Variants in ARHGAP29 observed in about 807,000 individuals in gnomAD.
ARHGAP29 encodes rho GTPase-activating protein 29.
ARHGAP29 carries 43 observed loss-of-function variants against 122.6 expected under a neutral mutation model. The observed-to-expected ratio is 0.35, with a 90% CI of 0.27 to 0.45. The LOEUF (loss-of-function observed/expected upper bound fraction) is 0.45. ARHGAP29 is among the 20% of genes least tolerant of loss of function. The pLI is 1.00. For missense variants in ARHGAP29, 1,303 were observed against 1,477.2 expected (o/e 0.88, Z 1.93); for synonymous variants, 506 against 497.1 (o/e 1.02, Z -0.24).
intron 3 of ARHGAP29, among the ~76,000 whole-genome samples, chr1:94,216,763 A>G (rs1214734312): frequency 6.6e-6 from 1 of 152,220 alleles, no homozygotes; most frequent in Non-Finnish European, 1.5e-5. Flanking sequence ...ATTGACCAAA[A>G]TAACTGAAAA....
chr1:94,177,927 A>T lies in ARHGAP29; in HGVS notation c.2721T>A (p.Phe907Leu). 6.2e-7 allele frequency: 1 copy of T among 1,614,132 alleles called. No individual in the cohort carries two copies. Among genetic ancestry groups the T allele is most frequent in the South Asian group, 1.1e-5 (1 of 91,080 alleles). Reference sequence around the variant, plus strand: ...CTTCTGGTGATAACAGAGGCTTTGGAAAACAGCCTTGATCAACAACACCTA... The same window carrying T: ...CTTCTGGTGATAACAGAGGCTTTGGTAAACAGCCTTGATCAACAACACCTA... ...CSIGVVDQGC[F>L]PKPLLSPEER... The change falls in exon 21 of 23, where the codon TTT (phenylalanine) becomes TTA (leucine). Residue 907 changes from phenylalanine (F) to leucine (L), a missense_variant. By Grantham distance (22) the Phe-to-Leu change is conservative. Coordinates refer to ENST00000260526, the MANE Select transcript of ARHGAP29 (RefSeq NM_004815.4).
chr1:94,179,723 A>G lies in ARHGAP29; in HGVS notation c.2480+2T>C. ...AATGTTCTAGTTATATAAAATTCTT[A>G]CCGCTTTAGATGTACTATAAGGAAA... On this transcript the variant is annotated splice_donor_variant, in intron 20 of 22. Transcript: ENST00000260526. LOFTEE classifies it high-confidence loss of function. 1 of 1,577,240 alleles carries G rather than the reference A, an allele frequency of 6.3e-7. No homozygotes were observed.
At chr1:94,300,386 A>T in the ARHGAP29 span, among the ~76,000 whole-genome samples, 1 of 152,186 alleles carries the variant, frequency 6.6e-6, no homozygotes, top group Admixed American at 6.5e-5. Flanking sequence ...TCTCCGTCTC[A>T]CATTCCTGGT....
rs140627548 is a variant in ARHGAP29, at chr1:94,169,684, G to C, written c.*4185C>G. ...CAATAAGACAGTGAGCCTTTCTCAG[G>C]TCTTCATTTCCATATACCATTTCCC... On this transcript the variant is annotated 3_prime_UTR_variant, in exon 23 of 23. Transcript: ENST00000260526. Among the ~76,000 whole-genome samples the C allele has an allele frequency of 6.6e-6, 1 of 152,124 alleles. No individual in the cohort carries two copies. Among genetic ancestry groups the C allele is most frequent in the East Asian group, 1.9e-4 (1 of 5,192 alleles).
chr1:94,313,301 T>A, the ARHGAP29 span, among the ~76,000 whole-genome samples: 2 of 152,216 alleles, frequency 1.3e-5, no homozygotes, highest in African/African-American at 4.8e-5. Context: ...CATAATGGCA[T>A]CATCTCAGAG....
intron 3 of ARHGAP29, among the ~76,000 whole-genome samples, chr1:94,214,572 T>C (rs1570552597): frequency 6.6e-6 from 1 of 152,168 alleles, no homozygotes; most frequent in African/African-American, 2.4e-5. Flanking sequence ...TCCATCCCCA[T>C]TGCCATTGAT....
chr1:94,263,151 T>C (rs1654627163), intron 1 of ARHGAP29, among the ~76,000 whole-genome samples: 1 of 151,896 alleles, frequency 6.6e-6, no homozygotes, highest in Non-Finnish European at 1.5e-5. Context: ...GAACAGAAAA[T>C]CAAATCCTGC....
Position 94,175,858 on chromosome 1 carries a change from C to T in ARHGAP29, c.2906-1109G>A, listed in dbSNP as rs148472146. On this transcript the variant is annotated intron_variant, in intron 22 of 22. Transcript: ENST00000260526. ...TAGCTGAGATTACAGGTGCCTGCTA[C>T]CATGCCCAGATAATTTTTGTATTTT... Among the ~76,000 whole-genome samples the T allele has an allele frequency of 1.6e-3, 241 of 152,182 alleles. 3 individuals are homozygous for T. The highest frequency in any genetic ancestry group is 5.4e-3 in the African/African-American group (225 of 41,526).
chr1:94,204,881 C>T (rs1651094790), intron 7 of ARHGAP29, among the ~76,000 whole-genome samples, 180 bp downstream of exon 7: 1 of 152,034 alleles, frequency 6.6e-6, no homozygotes, highest in Non-Finnish European at 1.5e-5. Context: ...AGTAGTTGGT[C>T]CACAGTAAAT....
At chr1:94,222,177 T>C (rs1440740631) in intron 2 of ARHGAP29, among the ~76,000 whole-genome samples, 2 of 152,142 alleles carry the variant, frequency 1.3e-5, no homozygotes, top group Non-Finnish European at 2.9e-5. Flanking sequence ...TTGAATACAT[T>C]AGTAAACAGG....
chr1:94,183,204 ATT>A (rs11342358), intron 19 of ARHGAP29, among the ~76,000 whole-genome samples: 9 of 136,760 alleles, frequency 6.6e-5, no homozygotes, highest in South Asian at 4.9e-4. Flanking sequence ...ATTAAAAAAA[ATT>A]TTTTTTTTTA....
intron 1 of ARHGAP29, among the ~76,000 whole-genome samples, chr1:94,273,875 T>G (rs1245077707): frequency 6.6e-6 from 1 of 151,618 alleles, no homozygotes; most frequent in African/African-American, 2.4e-5. Context: ...TGATTAAAAA[T>G]TTAAAGAGCA....
chr1:94,313,435 C>T, the ARHGAP29 span, among the ~76,000 whole-genome samples: 1 of 152,168 alleles, frequency 6.6e-6, no homozygotes, highest in Non-Finnish European at 1.5e-5. Context: ...GTATCTCCCC[C>T]CATCTCATGC....
At chr1:94,220,543 A>T (rs1389436563) in intron 2 of ARHGAP29, 151 bp from the exon 3 acceptor site, 1 of 607,440 alleles carries the variant, frequency 1.6e-6, no homozygotes, top group Admixed American at 3.4e-5. Flanking sequence ...TGCTGCAATT[A>T]TATACAATTT....
chr1:94,264,381 A>T (rs956916052), intron 1 of ARHGAP29, among the ~76,000 whole-genome samples: 1 of 152,002 alleles, frequency 6.6e-6, no homozygotes, highest in African/African-American at 2.4e-5. Context: ...GACTGAGAAG[A>T]CTCCATTTGG....
In ARHGAP29 at chr1:94,189,916, T is replaced by C. The variant is rs1650035099; in HGVS notation, c.1439+10A>G. On this transcript the variant is annotated intron_variant, in intron 13 of 22. Transcript: ENST00000260526. ...TTTTGAAATAATTTTGTCTGTACAT[T>C]AATTCTCACCCATCAACTTTTTCTT... is the stretch of plus-strand genomic sequence containing the variant. The C allele has an allele frequency of 1.9e-6, 3 of 1,611,954 alleles. No individual in the cohort carries two copies. The African/African-American group carries it at 4.0e-5, about 22-fold the overall frequency.
chr1:94,256,602 G>A (rs1192604912), intron 1 of ARHGAP29, among the ~76,000 whole-genome samples: 1 of 112,552 alleles, frequency 8.9e-6, no homozygotes, highest in Non-Finnish European at 1.6e-5. Context: ...CTGTCTCCCA[G>A]GCTGGAGTGC....
At position 94,170,552 on chromosome 1, in the gene ARHGAP29, T is replaced by A. The variant is rs1178173172; in HGVS notation, c.*3317A>T. ...AGCAGATTGAATGTGGTCTATGGATTAGATATCATGATGTCAATGTCAATC... is the reference window on the plus strand; with the variant it reads ...AGCAGATTGAATGTGGTCTATGGATAAGATATCATGATGTCAATGTCAATC... On this transcript the variant is annotated 3_prime_UTR_variant, in exon 23 of 23. Transcript: ENST00000260526. Among the ~76,000 whole-genome samples the A allele has an allele frequency of 6.6e-6, 1 of 152,214 alleles. No individual in the cohort carries two copies. The highest frequency in any genetic ancestry group is 1.5e-5 in the Non-Finnish European group (1 of 68,036).
chr1:94,264,074 A>G (rs1338641109), intron 1 of ARHGAP29, among the ~76,000 whole-genome samples: 1 of 152,166 alleles, frequency 6.6e-6, no homozygotes, highest in African/African-American at 2.4e-5. Flanking sequence ...GGCTGGGTAT[A>G]TTTTTATAAC....
Sources: gnomAD v4.1 joint callset for allele counts (sites outside exome capture counted in the v4.1 genomes callset) on GRCh38, gnomAD v4.1.1 for gene constraint, MANE v1.5 for transcripts, NCBI Gene and HGNC (gene_info 2026-07-23, HGNC 2026-07-21) for gene names.